The following EPB41L4A variants were observed in gnomAD, a reference collection of about 807,000 sequenced individuals.
The protein encoded by EPB41L4A is band 4.1-like protein 4A.
Under a neutral mutation model 108.6 loss-of-function variants are expected in EPB41L4A, and 100 were observed. That is an observed-to-expected ratio of 0.92 (90% confidence interval 0.78 to 1.09). The LOEUF is 1.09. Ranked by LOEUF, EPB41L4A falls within the 50% of genes least tolerant of loss-of-function variation. EPB41L4A has a pLI of 0.00. For missense variants in EPB41L4A, 1,030 were observed against 842.7 expected (o/e 1.22, Z -2.75); for synonymous variants, 319 against 289.0 (o/e 1.10, Z -1.05).
At chr5:112,172,293 T>C (rs1329066751) in intron 18 of EPB41L4A, among the ~76,000 whole-genome samples, 2 of 152,026 alleles carry the variant, frequency 1.3e-5, no homozygotes, top group Non-Finnish European at 2.9e-5. Context: ...GGTGGATCAC[T>C]TGAGGTCAGG....
At chr5:112,251,902 T>C (rs533858345) in intron 9 of EPB41L4A, among the ~76,000 whole-genome samples, 2 of 152,268 alleles carry the variant, frequency 1.3e-5, no homozygotes, top group African/African-American at 4.8e-5. Context: ...CAAGTAAATT[T>C]TGAACATAGT....
At chr5:112,211,712 C>T (rs540983639) in intron 12 of EPB41L4A, among the ~76,000 whole-genome samples, 49 of 152,278 alleles carry the variant, frequency 3.2e-4, no homozygotes, top group African/African-American at 1.2e-3. Context: ...CAAGTTTCCT[C>T]CAGAGCAGTT....
chr5:112,368,501 C>T (rs1759278986), intron 1 of EPB41L4A, among the ~76,000 whole-genome samples: 1 of 152,046 alleles, frequency 6.6e-6, no homozygotes, highest in African/African-American at 2.4e-5. Context: ...TAAGTCTTTC[C>T]AGCTACCACC....
At chr5:112,204,653 A>G (rs989139010) in intron 14 of EPB41L4A, 165 bp from the exon 15 acceptor site, 8 of 479,620 alleles carry the variant, frequency 1.7e-5, no homozygotes, top group Non-Finnish European at 3.0e-5. Context: ...GAAAAGAGGT[A>G]AGATCTGGCA....
At chr5:112,402,436 C>G (rs189341838) in intron 1 of EPB41L4A, among the ~76,000 whole-genome samples, 1 of 152,206 alleles carries the variant, frequency 6.6e-6, no homozygotes, top group East Asian at 1.9e-4. Context: ...GTGCTGAAAA[C>G]CACAGCAGCC....
intron 18 of EPB41L4A, among the ~76,000 whole-genome samples, chr5:112,180,520 A>G (rs1009451514): frequency 3.9e-5 from 6 of 152,178 alleles, no homozygotes; most frequent in African/African-American, 9.7e-5. Context: ...ACACCTCTCA[A>G]TCTCTACTCA....
chr5:112,365,169 T>G lies in EPB41L4A; in HGVS notation c.99+53772A>C, dbSNP rs7735877. Among the ~76,000 whole-genome samples the G allele has an allele frequency of 6.3e-3, 958 of 152,264 alleles. 11 individuals carry two copies. The highest frequency in any genetic ancestry group is 0.022 in the African/African-American group (893 of 41,518). The stretch of plus-strand genomic sequence containing the variant: ...CTTAATAGGCCTGAATTATAAAGAT[T>G]ATAGCATCAATTTTTATTATTTTAA... On this transcript the variant is annotated intron_variant, in intron 1 of 22. Transcript: ENST00000261486.
chr5:112,416,866 A>T (rs2112844938), intron 1 of EPB41L4A, among the ~76,000 whole-genome samples: 1 of 152,300 alleles, frequency 6.6e-6, no homozygotes, highest in Middle Eastern at 3.4e-3. Flanking sequence ...TAAATATGCA[A>T]ATATATTTAA....
At chr5:112,203,918 A>C (rs1749975690) in intron 15 of EPB41L4A, among the ~76,000 whole-genome samples, 1 of 152,062 alleles carries the variant, frequency 6.6e-6, no homozygotes, top group Non-Finnish European at 1.5e-5. Context: ...ACATGCCTGT[A>C]ATCTCAGCTA....
At chr5:112,364,292 C>T (rs970430448) in intron 1 of EPB41L4A, among the ~76,000 whole-genome samples, 1 of 152,180 alleles carries the variant, frequency 6.6e-6, no homozygotes, top group East Asian at 1.9e-4. Context: ...TCCCTAAGTG[C>T]TGGGATTATA....
At chr5:112,375,211 G>A (rs1759734626) in intron 1 of EPB41L4A, among the ~76,000 whole-genome samples, 1 of 152,008 alleles carries the variant, frequency 6.6e-6, no homozygotes, top group Non-Finnish European at 1.5e-5. Flanking sequence ...CCAGAGTGGT[G>A]CAGGAACACC....
intron 1 of EPB41L4A, among the ~76,000 whole-genome samples, chr5:112,393,786 A>G: frequency 6.6e-6 from 1 of 152,190 alleles, no homozygotes; most frequent in South Asian, 2.1e-4. Context: ...AGACACAACA[A>G]AAAAAGAGAA....
chr5:112,188,433 T>G (rs1761529620), intron 17 of EPB41L4A, among the ~76,000 whole-genome samples: 1 of 152,162 alleles, frequency 6.6e-6, no homozygotes, highest in Non-Finnish European at 1.5e-5. Flanking sequence ...CTGGCGCAAT[T>G]TCCCTTTCAA....
chr5:112,267,264 T>G lies in EPB41L4A; in HGVS notation c.336-934A>C, dbSNP rs115632065. The stretch of plus-strand genomic sequence containing the variant: ...AGCCTGTCCTTTTGTGACTTCTGTT[T>G]TGTAAGGTGACTCGATGTCACTGGG... On this transcript the variant is annotated intron_variant, in intron 4 of 22. Transcript: ENST00000261486. Among the ~76,000 whole-genome samples, 532 of 152,208 alleles carry G rather than the reference T, an allele frequency of 3.5e-3. 3 individuals carry two copies. The highest frequency in any genetic ancestry group is 0.012 in the African/African-American group (515 of 41,514).
intron 2 of EPB41L4A, among the ~76,000 whole-genome samples, chr5:112,286,867 A>G (rs1436543883): frequency 1.1e-5 from 1 of 93,438 alleles, no homozygotes; most frequent in South Asian, 3.4e-4. Flanking sequence ...TCTGGATGAG[A>G]AAAAAAAAAA....
At chr5:112,209,501 A>G (rs1762627724) in intron 13 of EPB41L4A, among the ~76,000 whole-genome samples, 2 of 152,240 alleles carry the variant, frequency 1.3e-5, no homozygotes, top group Admixed American at 6.5e-5. Flanking sequence ...CCAGGGCTAC[A>G]GTTCAGTGCA....
chr5:112,336,537 T>C (rs923831221), intron 1 of EPB41L4A, among the ~76,000 whole-genome samples: 16 of 152,206 alleles, frequency 1.1e-4, no homozygotes, highest in African/African-American at 3.9e-4. Flanking sequence ...TTAGAGCTGT[T>C]CGCCAAATAC....
upstream of EPB41L4A, chr5:112,419,288 G>A (rs553535079): frequency 1.1e-5 from 4 of 373,704 alleles, no homozygotes; most frequent in South Asian, 1.0e-4. Context: ...GGGCGCGGAG[G>A]GCGGTGGCGC....
intron 12 of EPB41L4A, among the ~76,000 whole-genome samples, chr5:112,155,498 C>T (rs929705926): frequency 5.3e-5 from 8 of 152,046 alleles, no homozygotes; most frequent in South Asian, 2.1e-4. Context: ...CACACAAATG[C>T]CACTGATGAT....
Sources: allele counts gnomAD v4.1 joint callset (sites outside exome capture counted in the v4.1 genomes callset), GRCh38; gene constraint gnomAD v4.1.1; transcripts MANE v1.5; gene names NCBI Gene and HGNC (gene_info 2026-07-23, HGNC 2026-07-21).